The following CELSR1 variants were observed in gnomAD, a reference collection of about 807,000 sequenced individuals.
CELSR1 encodes adhesion G protein-coupled receptor C1.
CELSR1 carries 110 observed loss-of-function variants against 249.1 expected under a neutral mutation model. The ratio of observed to expected loss-of-function variants is 0.44; its 90% CI spans 0.38 to 0.52. The LOEUF is 0.52. Ranked by LOEUF, CELSR1 falls within the 20% of genes least tolerant of loss-of-function variation. The pLI is 0.00. For synonymous variants in CELSR1, 2,113 were observed against 1,900.0 expected, an observed-to-expected ratio of 1.11 and a Z score of -2.92; for missense variants, 4,109 against 4,296.4, an observed-to-expected ratio of 0.96 and a Z score of 1.22.
chr22:46,486,994 A>T (rs896823702), intron 1 of CELSR1, among the ~76,000 whole-genome samples: 3 of 151,700 alleles, frequency 2.0e-5, no homozygotes, highest in Non-Finnish European at 2.9e-5. Flanking sequence ...CTGAGCACCT[A>T]CTGTGTGTCT....
chr22:46,411,839 C>G lies in CELSR1; in HGVS notation c.4612-80G>C. ...GCAGGCGCACCTGTCACTCATAGAG[C>G]GAGGAGGACATGGCACAGGGTGGGC... On this transcript the variant is annotated intron_variant, in intron 5 of 34. Coordinates refer to ENST00000674500, the MANE Select transcript of CELSR1 (RefSeq NM_001378328.1). This position sits in a 1 kb window ranked among gnomAD's most constrained non-coding sequence, Gnocchi z 4.2. The G allele has an allele frequency of 6.4e-7, 1 of 1,574,710 alleles. No individual in the cohort carries two copies. Among genetic ancestry groups the G allele is most frequent in the Non-Finnish European group, 8.7e-7 (1 of 1,155,446 alleles).
rs1029292381 is a variant in CELSR1, at chr22:46,409,740, A to T, written c.5059+15T>A. On this transcript the variant is annotated intron_variant, in intron 8 of 34. Coordinates refer to ENST00000674500, the MANE Select transcript of CELSR1 (RefSeq NM_001378328.1). This position sits in a 1 kb window ranked among gnomAD's most constrained non-coding sequence, Gnocchi z 9.8. Reference sequence around the variant, plus strand: ...GCCGCCGTGACCGGGGGGATGGACGACGCCGGCCACTCACCTTGCTCACAG... The same window carrying T: ...GCCGCCGTGACCGGGGGGATGGACGTCGCCGGCCACTCACCTTGCTCACAG... The T allele has an allele frequency of 3.7e-6, 6 of 1,611,490 alleles. No homozygotes were observed. The highest frequency in any genetic ancestry group is 5.1e-6 in the Non-Finnish European group (6 of 1,179,944).
chr22:46,397,007 T>C (rs1285990046), intron 12 of CELSR1, among the ~76,000 whole-genome samples: 2 of 149,844 alleles, frequency 1.3e-5, no homozygotes, highest in Non-Finnish European at 2.9e-5. Flanking sequence ...CCAGGACACA[T>C]GGGGAATGGC....
Position 46,398,539 on chromosome 22 carries a change from G to C in CELSR1, c.5511C>G (p.Phe1837Leu). Reference protein sequence around the residue: ...SEDKVSVRRGFRGCMQGVRMG... With the variant: ...SEDKVSVRRGLRGCMQGVRMG... ...CCCCACGCACCTGCATGCAGCCTCG[G>C]AATCCACGGCGCACGGAGACCTTGT... The change falls in exon 11 of 35, where the codon TTC becomes TTG. Residue 1837 changes from phenylalanine to leucine, a missense_variant. By Grantham distance (22) the Phe-to-Leu change is conservative. This residue lies in a region of CELSR1 where 1,805 missense variants were observed against 1,831.6 expected (regional missense o/e 0.99). Coordinates refer to ENST00000674500, the MANE Select transcript of CELSR1 (RefSeq NM_001378328.1). This position sits in a 1 kb window ranked among gnomAD's most constrained non-coding sequence, Gnocchi z 7.2. 1 of 1,612,008 alleles carries C rather than the reference G, an allele frequency of 6.2e-7. No individual in the cohort carries two copies. Among genetic ancestry groups the C allele is most frequent in the East Asian group, 2.2e-5 (1 of 44,804 alleles).
chr22:46,443,230 C>T (rs541630186), intron 2 of CELSR1, among the ~76,000 whole-genome samples: 1 of 152,378 alleles, frequency 6.6e-6, no homozygotes, highest in African/African-American at 2.4e-5. Context: ...CATGCACGGC[C>T]TCCACGCCAG....
In CELSR1 at chr22:46,411,507, C is replaced by A. The variant is rs1483925260; in HGVS notation, c.4769+95G>T. On this transcript the variant is annotated intron_variant, in intron 6 of 34. Transcript: ENST00000674500. The surrounding 1 kb of genome is among the most constrained non-coding windows in gnomAD (Gnocchi z 4.2). ...AATGAGGTCGCCAGGGCACTGCACC[C>A]AGAGTGCCTACGTGGGGCCCTGCCC... 4 of 1,446,058 alleles carry A rather than the reference C, an allele frequency of 2.8e-6. No individual in the cohort carries two copies. The Admixed American group carries it at 6.1e-5, about 22-fold the overall frequency. 89.6% of individuals were successfully genotyped at this position (1,446,058 alleles called of 1,614,324 possible). A position where few individuals can be genotyped will look rare whatever the true frequency, so the allele number is the denominator to read the frequency against.
intron 1 of CELSR1, among the ~76,000 whole-genome samples, chr22:46,486,526 C>T (rs191212539): frequency 1.0e-3 from 156 of 151,506 alleles, no homozygotes; most frequent in African/African-American, 3.7e-3. Flanking sequence ...CCAGCCTGGG[C>T]GACAGACTGA....
intron 5 of CELSR1, among the ~76,000 whole-genome samples, chr22:46,421,987 T>C (rs1249049669): frequency 6.6e-6 from 1 of 152,282 alleles, no homozygotes; most frequent in Non-Finnish European, 1.5e-5. Context: ...ATTACCAGCC[T>C]GCATGGCCAC....
chr22:46,367,977 TGTCCACCC>T, intron 27 of CELSR1, 122 bp from the exon 28 acceptor site: 1 of 1,339,832 alleles, frequency 7.5e-7, no homozygotes, highest in South Asian at 1.4e-5. Context: ...TCCGTCCACC[TGTCCACCC>T]AGCCATCATC....
rs1201536367 is a variant in CELSR1 at position 46,484,205 on chromosome 22, G to A, written c.3545-19860C>T. 1.3e-5 allele frequency among the ~76,000 whole-genome samples: 2 copies of A among 152,134 alleles called. No individual in the cohort carries two copies. Among genetic ancestry groups the A allele is most frequent in the African/African-American group, 4.8e-5 (2 of 41,424 alleles). ...TTACGACGGTGGGGACGGGTCCGAG[G>A]TCTGAACTGGGCACCAGTAAACCTG... On this transcript the variant is annotated intron_variant, in intron 1 of 34. Transcript: ENST00000674500. This position sits in a 1 kb window ranked among gnomAD's most constrained non-coding sequence, Gnocchi z 4.5.
In CELSR1 at chr22:46,469,396, A is replaced by G. The variant is rs1602180928; in HGVS notation, c.3545-5051T>C. Among the ~76,000 whole-genome samples, 2 of 151,936 alleles carry G rather than the reference A, an allele frequency of 1.3e-5. 1 individual carries two copies. Among genetic ancestry groups the G allele is most frequent in the South Asian group, 4.1e-4 (2 of 4,824 alleles). On this transcript the variant is annotated intron_variant, in intron 1 of 34. Transcript: ENST00000674500. ...GCCCTCCTTCTCAGACACTGGCTAC[A>G]CCCCTGGGTCCCTCGATGGAGGACC...
rs907892868 is a variant in CELSR1 at position 46,361,211 on chromosome 22, T to G, written c.*2012A>C. Reference sequence around the variant, plus strand: ...AATCTTAATTTATTGTAGACTCTTCTCATTTGTAATTCCAGTGTTTTGAAC... The same window carrying G: ...AATCTTAATTTATTGTAGACTCTTCGCATTTGTAATTCCAGTGTTTTGAAC... On this transcript the variant is annotated 3_prime_UTR_variant, in exon 35 of 35. Transcript: ENST00000674500. The G allele has an allele frequency of 1.3e-5, 2 of 152,610 alleles. No individual in the cohort carries two copies. Among genetic ancestry groups the G allele is most frequent in the Non-Finnish European group, 2.9e-5 (2 of 68,052 alleles). 9.5% of individuals were successfully genotyped at this position (152,610 alleles called of 1,614,324 possible). A position where few individuals can be genotyped will look rare whatever the true frequency, so the allele number is the denominator to read the frequency against.
At chr22:46,515,131 C>T (rs546081679) in intron 1 of CELSR1, among the ~76,000 whole-genome samples, 2 of 152,198 alleles carry the variant, frequency 1.3e-5, no homozygotes. Context: ...GCCAACCCCC[C>T]CCGGGGACAC....
intron 1 of CELSR1, among the ~76,000 whole-genome samples, chr22:46,516,090 A>C (rs1340477866): frequency 6.6e-6 from 1 of 152,226 alleles, no homozygotes; most frequent in African/African-American, 2.4e-5. Context: ...CATTTGACCC[A>C]GCCATCCCAT....
At chr22:46,387,156 T>G (rs183713880) in intron 18 of CELSR1, among the ~76,000 whole-genome samples, 17 of 152,342 alleles carry the variant, frequency 1.1e-4, no homozygotes, top group African/African-American at 4.1e-4. Context: ...TTAAAGATGC[T>G]TCATATTCTT....
chr22:46,455,386 C>T (rs191850706), intron 2 of CELSR1, among the ~76,000 whole-genome samples: 9 of 152,270 alleles, frequency 5.9e-5, no homozygotes, highest in Admixed American at 3.3e-4. Flanking sequence ...CCTGCCACCG[C>T]GCCTGGCTAA....
chr22:46,364,139 C>A lies in CELSR1; in HGVS notation c.8892G>T (p.Ser2964=), dbSNP rs375507061. The part of the protein sequence containing the change: ...LADCEQSPTS[S]RTSSLGSGGP... ...CGCCAGAGCCCAGGGAAGACGTGCGCGAGGATGTGGGGCTCTGCTCACAGT... is the reference window on the plus strand; with the variant it reads ...CGCCAGAGCCCAGGGAAGACGTGCGAGAGGATGTGGGGCTCTGCTCACAGT... Residue 2964 remains serine, a synonymous_variant, in exon 34 of 35, where the codon TCG becomes TCT. Transcript: ENST00000674500. The A allele has an allele frequency of 1.2e-6, 2 of 1,607,648 alleles. No homozygotes were observed. Among genetic ancestry groups the A allele is most frequent in the Non-Finnish European group, 1.7e-6 (2 of 1,179,602 alleles).
intron 5 of CELSR1, among the ~76,000 whole-genome samples, chr22:46,424,735 G>A (rs1171614567): frequency 2.0e-5 from 3 of 152,232 alleles, no homozygotes; most frequent in Non-Finnish European, 2.9e-5. Flanking sequence ...CACTTTGGAA[G>A]CACGAGATGG....
intron 2 of CELSR1, among the ~76,000 whole-genome samples, chr22:46,463,178 T>G (rs3788697): frequency 0.12 from 18,239 of 152,222 alleles, 1,183 homozygotes; most frequent in Admixed American, 0.21. Context: ...GGAAAGTGAG[T>G]AAGCCGTGGG....
Sources: allele counts gnomAD v4.1 joint callset (sites outside exome capture counted in the v4.1 genomes callset), GRCh38; gene constraint gnomAD v4.1.1; regional missense constraint gnomAD v4.1.1; non-coding constraint Gnocchi (gnomAD v3.1); transcripts MANE v1.5; gene names NCBI Gene and HGNC (gene_info 2026-07-23, HGNC 2026-07-21).